The following TTYH1 variants were observed in gnomAD, a reference collection of about 807,000 sequenced individuals.
TTYH1 encodes the protein tweety family member 1.
TTYH1 carries 33 observed loss-of-function variants against 61.2 expected under a neutral mutation model. The observed-to-expected ratio is 0.54, with a 90% CI of 0.41 to 0.72. TTYH1 has a LOEUF of 0.72. Among genes scored for constraint, TTYH1 ranks in the 30% least tolerant of loss-of-function variants. The pLI, the probability that TTYH1 is intolerant of heterozygous loss-of-function variation, is 0.00. For synonymous variants in TTYH1, 308 were observed against 266.4 expected (o/e 1.16, Z -1.52); for missense variants, 538 against 575.8 (o/e 0.93, Z 0.67).
In TTYH1 at chr19:54,435,629, G is replaced by C. The variant is rs762718121; in HGVS notation, c.1213G>C (p.Ala405Pro). 6.2e-7 allele frequency: 1 copy of C among 1,612,154 alleles called. No homozygotes were observed. Among genetic ancestry groups the C allele is most frequent in the South Asian group, 1.1e-5 (1 of 90,982 alleles). ...LLLFSLLSAG[A>P]LATALCSLPR... ...ACTCTTCTCCCTGCTGTCTGCAGGA[G>C]CGCTGGCCACTGCCCTCTGCAGCCT... Residue 405 changes from alanine (A) to proline (P), a missense_variant, in exon 11 of 14, where the codon GCG becomes CCG. Coordinates refer to ENST00000376530, the MANE Select transcript of TTYH1 (RefSeq NM_020659.4).
In TTYH1 at chr19:54,420,486, C is replaced by T. The variant is rs1358982691; in HGVS notation, c.306-791C>T. ...CCGACCCGAGGGATGGGGGTGGAGGCCCAGCCGGGGCTGGGAACCGGGAGG... is the reference window on the plus strand; with the variant it reads ...CCGACCCGAGGGATGGGGGTGGAGGTCCAGCCGGGGCTGGGAACCGGGAGG... On this transcript the variant is annotated intron_variant, in intron 2 of 13. Coordinates refer to ENST00000376530, the MANE Select transcript of TTYH1 (RefSeq NM_020659.4). This position sits in a 1 kb window ranked among gnomAD's most constrained non-coding sequence, Gnocchi z 4.8. Among the ~76,000 whole-genome samples, 4 of 151,856 alleles carry T rather than the reference C, an allele frequency of 2.6e-5. No homozygotes were observed. The highest frequency in any genetic ancestry group is 1.3e-4 in the Admixed American group (2 of 15,266).
At position 54,415,858 on chromosome 19, in the gene TTYH1, G is replaced by A; in HGVS notation, c.126+180G>A. 4.8e-6 allele frequency: 4 copies of A among 837,886 alleles called. No homozygotes were observed. Among genetic ancestry groups the A allele is most frequent in the Non-Finnish European group, 7.2e-6 (4 of 559,200 alleles). The allele number at this position is 837,886 out of a possible 1,614,324, so 51.9% of individuals were successfully genotyped here. A position where few individuals can be genotyped will look rare whatever the true frequency, so the allele number is the denominator to read the frequency against. ...GGCGCCCATGCCTGGAGGTTCTCCT[G>A]GGACGCGCGCTGGGGGTCCAGACCT... On this transcript the variant is annotated intron_variant, in intron 1 of 13. Transcript: ENST00000376530. The surrounding 1 kb of genome is among the most constrained non-coding windows in gnomAD (Gnocchi z 5.2).
intron 7 of TTYH1, 126 bp downstream of exon 7, chr19:54,430,083 C>A: frequency 2.4e-6 from 2 of 819,736 alleles, no homozygotes; most frequent in Non-Finnish European, 1.9e-6. Context: ...CGAGACCCAG[C>A]CCTCTGGAAG....
chr19:54,416,609 G>T lies in TTYH1; in HGVS notation c.126+931G>T, dbSNP rs1375567039. 1.8e-6 allele frequency: 1 copy of T among 542,030 alleles called. No individual in the cohort carries two copies. Among genetic ancestry groups the T allele is most frequent in the African/African-American group, 2.1e-5 (1 of 48,666 alleles). The allele number at this position is 542,030 out of a possible 1,614,324, so 33.6% of individuals were successfully genotyped here. A position where few individuals can be genotyped will look rare whatever the true frequency, so the allele number is the denominator to read the frequency against. On this transcript the variant is annotated intron_variant, in intron 1 of 13. Coordinates refer to ENST00000376530, the MANE Select transcript of TTYH1 (RefSeq NM_020659.4). The surrounding 1 kb of genome is among the most constrained non-coding windows in gnomAD (Gnocchi z 7.0). ...CGTCTTGGGTTGCTCCTGGGAGAAGGGGGCTGGGATTGGAGAGCTCAGGGG... is the reference window on the plus strand; with the variant it reads ...CGTCTTGGGTTGCTCCTGGGAGAAGTGGGCTGGGATTGGAGAGCTCAGGGG...
rs1302458418 is a variant in TTYH1, at chr19:54,420,909, G to A, written c.306-368G>A. ...GAGGGCTGCCTGCCTGGCAAAGGAT[G>A]CGGGGGAAGGGTGTGGGGCAGGCAG... On this transcript the variant is annotated intron_variant, in intron 2 of 13. Transcript: ENST00000376530. This position sits in a 1 kb window ranked among gnomAD's most constrained non-coding sequence, Gnocchi z 4.8. 1 of 320,750 alleles carries A rather than the reference G, an allele frequency of 3.1e-6. No individual in the cohort carries two copies. The highest frequency in any genetic ancestry group is 6.4e-6 in the Non-Finnish European group (1 of 156,568). 19.9% of individuals were successfully genotyped at this position (320,750 alleles called of 1,614,324 possible).
chr19:54,426,024 A>T (rs1415415220), intron 4 of TTYH1, among the ~76,000 whole-genome samples: 1 of 152,188 alleles, frequency 6.6e-6, no homozygotes, highest in African/African-American at 2.4e-5. Flanking sequence ...CCAAGTATTA[A>T]CTATTAACTA....
rs745596618 is a variant in TTYH1 at position 54,422,265 on chromosome 19, C to T, written c.493C>T (p.Arg165Cys). 13 of 1,566,088 alleles carry T rather than the reference C, an allele frequency of 8.3e-6. No individual in the cohort carries two copies. Among genetic ancestry groups the T allele is most frequent in the Non-Finnish European group, 1.1e-5 (13 of 1,155,810 alleles). Residue 165 changes from arginine to cysteine, a missense_variant, in exon 4 of 14, where the codon CGC becomes TGC. Physicochemically the swap from Arg to Cys is radical, Grantham distance 180. Transcript: ENST00000376530. ...LTTLEEVLEP[R>C]TELVAAARGA... The stretch of plus-strand genomic sequence containing the variant: ...CACCCTGGAGGAGGTGCTCGAGCCG[C>T]GCACGGAGCTGGTGGCTGCCGCCCG...
chr19:54,432,074 A>G (rs886536167), intron 10 of TTYH1: 2 of 152,128 alleles, frequency 1.3e-5, no homozygotes, highest in Non-Finnish European at 2.9e-5. Context: ...AGAAAAAGTT[A>G]GCCGGGCATG....
At position 54,420,313 on chromosome 19, in the gene TTYH1, C is replaced by T. The variant is rs1038097754; in HGVS notation, c.306-964C>T. On this transcript the variant is annotated intron_variant, in intron 2 of 13. Coordinates refer to ENST00000376530, the MANE Select transcript of TTYH1 (RefSeq NM_020659.4). This position sits in a 1 kb window ranked among gnomAD's most constrained non-coding sequence, Gnocchi z 4.8. ...CTGTAGGGGTGGCCTGTATTCAGGA[C>T]GCTTCCTCCTCCGGCTCTCTGGCGT... is the stretch of plus-strand genomic sequence containing the variant. Among the ~76,000 whole-genome samples, 16 of 152,188 alleles carry T rather than the reference C, an allele frequency of 1.1e-4. No individual in the cohort carries two copies. Among genetic ancestry groups the T allele is most frequent in the Admixed American group, 6.5e-4 (10 of 15,290 alleles).
chr19:54,429,496 G>A lies in TTYH1; in HGVS notation c.807+117G>A. Reference sequence around the variant, plus strand: ...AAAGGAATTGGGGGGCACGATCACAGCTCTGAGGTTTAGGGCTTGTTTCCT... The same window carrying A: ...AAAGGAATTGGGGGGCACGATCACAACTCTGAGGTTTAGGGCTTGTTTCCT... On this transcript the variant is annotated intron_variant, in intron 6 of 13. Transcript: ENST00000376530. The surrounding 1 kb of genome is among the most constrained non-coding windows in gnomAD (Gnocchi z 5.1). The A allele has an allele frequency of 1.0e-6, 1 of 953,866 alleles. No homozygotes were observed. The allele number at this position is 953,866 out of a possible 1,614,324, so 59.1% of individuals were successfully genotyped here.
rs2083551862 is a variant in TTYH1 at position 54,436,320 on chromosome 19, C to T, written c.*43-13C>T. The T allele has an allele frequency of 6.2e-7, 1 of 1,613,962 alleles. No individual in the cohort carries two copies. Among genetic ancestry groups the T allele is most frequent in the African/African-American group, 1.3e-5 (1 of 74,878 alleles). On this transcript the variant is annotated splice_polypyrimidine_tract_variant and intron_variant, in intron 13 of 13. Coordinates refer to ENST00000376530, the MANE Select transcript of TTYH1 (RefSeq NM_020659.4). The surrounding 1 kb of genome is among the most constrained non-coding windows in gnomAD (Gnocchi z 4.3). ...AGCCTGCATCACTGCCCTGTCTCTC[C>T]CTCTCTCCGCAGTTCCTTCCCTGGC...
Position 54,430,919 on chromosome 19 carries a change from C to A in TTYH1, c.1032+14C>A. On this transcript the variant is annotated intron_variant, in intron 9 of 13. Transcript: ENST00000376530. ...CCTTCAGCGCAGGTCGGTGGGTGGGCGCTCCCCAGACACGCGGACCCCACG... is the reference window on the plus strand; with the variant it reads ...CCTTCAGCGCAGGTCGGTGGGTGGGAGCTCCCCAGACACGCGGACCCCACG... 6.2e-7 allele frequency: 1 copy of A among 1,610,166 alleles called. No individual in the cohort carries two copies. The highest frequency in any genetic ancestry group is 8.5e-7 in the Non-Finnish European group (1 of 1,179,012).
At chr19:54,425,872 C>T (rs142103435) in intron 4 of TTYH1, among the ~76,000 whole-genome samples, 261 of 152,206 alleles carry the variant, frequency 1.7e-3, no homozygotes, top group African/African-American at 5.9e-3. Flanking sequence ...TGCACCACCA[C>T]GCCCGGCTAA....
rs1227213652 is a variant in TTYH1, at chr19:54,429,312, C to T, written c.740C>T (p.Thr247Ile). 6.2e-7 allele frequency: 1 copy of T among 1,614,088 alleles called. No homozygotes were observed. Among genetic ancestry groups the T allele is most frequent in the Non-Finnish European group, 8.5e-7 (1 of 1,179,972 alleles). ...KQSKWLVIVM[T>I]VMSLLVLVLS... Reference sequence around the variant, plus strand: ...TCCTCCCTCCCCCACTCTAGGATGACAGTCATGAGTCTCCTGGTTCTCGTC... The same window carrying T: ...TCCTCCCTCCCCCACTCTAGGATGATAGTCATGAGTCTCCTGGTTCTCGTC... Residue 247 changes from threonine (T) to isoleucine (I), a missense_variant, in exon 6 of 14, where the codon ACA (threonine) becomes ATA (isoleucine). Physicochemically the swap from Thr to Ile is moderately conservative, Grantham distance 89. This residue lies in a region of TTYH1 where 378 missense variants were observed against 401.2 expected (regional missense o/e 0.94). Transcript: ENST00000376530. This position sits in a 1 kb window ranked among gnomAD's most constrained non-coding sequence, Gnocchi z 5.1.
At chr19:54,418,007 G>GACACAA (rs1569249818) in intron 1 of TTYH1, among the ~76,000 whole-genome samples, 14 of 148,174 alleles carry the variant, frequency 9.4e-5, no homozygotes, top group Non-Finnish European at 4.5e-5. Flanking sequence ...ACACACTTGG[G>GACACAA]ACACACACAC....
intron 4 of TTYH1, among the ~76,000 whole-genome samples, chr19:54,426,320 C>A (rs984339049): frequency 6.6e-6 from 1 of 152,146 alleles, no homozygotes; most frequent in Non-Finnish European, 1.5e-5. Context: ...TTGGTGCAGT[C>A]TTGAGAACGA....
Position 54,415,648 on chromosome 19 carries a change from T to A in TTYH1, c.96T>A (p.Val32=), listed in dbSNP as rs1164359500. The change falls in exon 1 of 14, where the codon GTT becomes GTA. Residue 32 remains valine, a synonymous_variant. Coordinates refer to ENST00000376530, the MANE Select transcript of TTYH1 (RefSeq NM_020659.4). The surrounding 1 kb of genome is among the most constrained non-coding windows in gnomAD (Gnocchi z 5.2). ...ADFQLRPVPS[V]FAPQEQEYQQ... ...TCCAGCTCCGCCCGGTGCCCAGCGT[T>A]TTCGCGCCCCAAGAGCAGGAATACC... is the stretch of plus-strand genomic sequence containing the variant. The A allele has an allele frequency of 6.4e-7, 1 of 1,564,924 alleles. No individual in the cohort carries two copies. The highest frequency in any genetic ancestry group is 1.2e-5 in the South Asian group (1 of 84,836).
Position 54,415,665 on chromosome 19 carries a change from A to G in TTYH1, c.113A>G (p.Gln38Arg). The G allele has an allele frequency of 3.8e-6, 6 of 1,561,476 alleles. No individual in the cohort carries two copies. Among genetic ancestry groups the G allele is most frequent in the Non-Finnish European group, 5.2e-6 (6 of 1,161,528 alleles). ...CCCAGCGTTTTCGCGCCCCAAGAGCAGGAATACCAGCAGGTGGGACCGGGC... is the reference window on the plus strand; with the variant it reads ...CCCAGCGTTTTCGCGCCCCAAGAGCGGGAATACCAGCAGGTGGGACCGGGC... ...PVPSVFAPQE[Q>R]EYQQALLLVA... The change falls in exon 1 of 14, where the codon CAG becomes CGG. Residue 38 changes from glutamine (Q) to arginine (R), a missense_variant. Physicochemically the swap from Gln to Arg is conservative, Grantham distance 43. Coordinates refer to ENST00000376530, the MANE Select transcript of TTYH1 (RefSeq NM_020659.4). The surrounding 1 kb of genome is among the most constrained non-coding windows in gnomAD (Gnocchi z 5.2).
In TTYH1 at chr19:54,436,046, C is replaced by T. The variant is rs532249188; in HGVS notation, c.1315-45C>T. 1.9e-6 allele frequency: 3 copies of T among 1,602,918 alleles called. No individual in the cohort carries two copies. The African/African-American group carries it at 4.0e-5, about 21-fold the overall frequency. ...GGTCCCACAGTACAAAGCCAATTCC[C>T]ACTCCATTCCCTCCTCTCCCCCGCT... On this transcript the variant is annotated intron_variant, in intron 12 of 13. Coordinates refer to ENST00000376530, the MANE Select transcript of TTYH1 (RefSeq NM_020659.4). This position sits in a 1 kb window ranked among gnomAD's most constrained non-coding sequence, Gnocchi z 4.3.
Sources: gnomAD v4.1 joint callset for allele counts (sites outside exome capture counted in the v4.1 genomes callset) on GRCh38, gnomAD v4.1.1 for gene constraint, gnomAD v4.1.1 regional missense constraint, Gnocchi (gnomAD v3.1) non-coding constraint, MANE v1.5 for transcripts, NCBI Gene and HGNC (gene_info 2026-07-23, HGNC 2026-07-21) for gene names.